Variants in NBEA observed in about 807,000 individuals in gnomAD.
The protein encoded by NBEA is lysosomal-trafficking regulator 2.
A neutral mutation model predicts 343.4 loss-of-function variants in NBEA; 44 were observed. The ratio of observed to expected loss-of-function variants is 0.13; its 90% confidence interval spans 0.10 to 0.16. The LOEUF (loss-of-function observed/expected upper bound fraction) is 0.16, where lower values mean the gene tolerates loss of function less well. NBEA is among the 10% of genes least tolerant of loss of function. The pLI is 1.00. For missense variants in NBEA, 2,555 were observed against 3,631.3 expected, an observed-to-expected ratio of 0.70 and a Z score of 7.62; for synonymous variants, 1,175 against 1,238.7, an observed-to-expected ratio of 0.95 and a Z score of 1.08.
At chr13:35,066,856 T>C (rs368807880) in intron 8 of NBEA, among the ~76,000 whole-genome samples, 2 of 152,150 alleles carry the variant, frequency 1.3e-5, no homozygotes, top group East Asian at 3.9e-4. Flanking sequence ...CTTTATTTCT[T>C]CTTTACTGCT....
At position 35,080,775 on chromosome 13, in the gene NBEA, T is replaced by G. The variant is rs560096416; in HGVS notation, c.1571+9923T>G. On this transcript the variant is annotated intron_variant, in intron 10 of 58. Transcript: ENST00000379939. ...AAGCAAAGGGTAAAAAGTTTAGCAC[T>G]AATTGGTTCCTGTGAAATCAATGTG... 3.9e-5 allele frequency among the ~76,000 whole-genome samples: 6 copies of G among 152,286 alleles called. No homozygotes were observed. The East Asian group carries it at 9.7e-4, about 25-fold the overall frequency.
At chr13:35,649,626 C>T in intron 51 of NBEA, 29 bp from the exon 52 acceptor site, 1 of 1,571,662 alleles carries the variant, frequency 6.4e-7, no homozygotes, top group Non-Finnish European at 8.8e-7. Flanking sequence ...TTTTGTCTTC[C>T]TCTGTTCTCT....
chr13:35,237,364 A>G (rs915384288), intron 34 of NBEA, among the ~76,000 whole-genome samples: 1 of 152,100 alleles, frequency 6.6e-6, no homozygotes, highest in South Asian at 2.1e-4. Context: ...CAAGGTCCAT[A>G]CTTGCTCTCC....
chr13:35,135,116 T>G lies in NBEA; in HGVS notation c.2337-7153T>G, dbSNP rs549279963. Among the ~76,000 whole-genome samples the G allele has an allele frequency of 1.1e-4, 17 of 152,158 alleles. No individual in the cohort carries two copies. The South Asian group carries it at 3.5e-3, about 32-fold the overall frequency. ...AACTACAGGAGCACAAAACATGCCCTGTTTTGCTTCACTAGTAATCACCAA... is the reference window on the plus strand; with the variant it reads ...AACTACAGGAGCACAAAACATGCCCGGTTTTGCTTCACTAGTAATCACCAA... On this transcript the variant is annotated intron_variant, in intron 17 of 58. Coordinates refer to ENST00000379939, the MANE Select transcript of NBEA (RefSeq NM_001385012.1).
intron 38 of NBEA, among the ~76,000 whole-genome samples, chr13:35,356,648 G>A (rs971251580): frequency 3.3e-5 from 5 of 152,064 alleles, no homozygotes; most frequent in Non-Finnish European, 5.9e-5. Context: ...TCATCCTACT[G>A]AACTTCTAAA....
In NBEA at chr13:35,048,605, G is replaced by A. The variant is rs1346460997; in HGVS notation, c.766G>A (p.Gly256Ser). The change falls in exon 5 of 59, where the codon GGC becomes AGC. Residue 256 changes from glycine (G) to serine (S), a missense_variant. Physicochemically the swap from Gly to Ser is moderately conservative, Grantham distance 56 (BLOSUM62 0). Coordinates refer to ENST00000379939, the MANE Select transcript of NBEA (RefSeq NM_001385012.1). ...PPIAKWPYQN[G>S]FTLNTWFRMD... Reference sequence around the variant, plus strand: ...TATTGCAAAGTGGCCTTATCAGAATGGCTTCACCTTAAACACTTGGTTTCG... The same window carrying A: ...TATTGCAAAGTGGCCTTATCAGAATAGCTTCACCTTAAACACTTGGTTTCG... The A allele has an allele frequency of 3.1e-6, 5 of 1,590,758 alleles. No homozygotes were observed. The African/African-American group carries it at 6.7e-5, about 21-fold the overall frequency.
chr13:35,156,882 T>C (rs1352249321), intron 20 of NBEA, among the ~76,000 whole-genome samples, 196 bp from the exon 21 acceptor site: 2 of 152,168 alleles, frequency 1.3e-5, no homozygotes, highest in East Asian at 3.9e-4. Context: ...TTTTGAATGA[T>C]AATTAGGATT....
chr13:35,041,357 G>A (rs1257937521), intron 2 of NBEA, among the ~76,000 whole-genome samples, 193 bp downstream of exon 2: 1 of 151,982 alleles, frequency 6.6e-6, no homozygotes, highest in Non-Finnish European at 1.5e-5. Context: ...ACTTACTATA[G>A]TAGACAAACA....
intron 7 of NBEA, 62 bp downstream of exon 7, chr13:35,056,191 T>G (rs2063252188): frequency 7.6e-7 from 1 of 1,319,776 alleles, no homozygotes; most frequent in Non-Finnish European, 1.0e-6. Context: ...ATCATTACAA[T>G]ATGAATTAAA....
intron 36 of NBEA, among the ~76,000 whole-genome samples, chr13:35,333,990 G>A (rs999400496): frequency 3.9e-5 from 6 of 151,906 alleles, no homozygotes; most frequent in Middle Eastern, 3.2e-3. Context: ...ACTGTTAACA[G>A]TACTGCAACA....
At chr13:35,344,719 C>T (rs1274326281) in intron 36 of NBEA, among the ~76,000 whole-genome samples, 1 of 149,664 alleles carries the variant, frequency 6.7e-6, no homozygotes, top group Non-Finnish European at 1.5e-5. Context: ...AGAAACAAAA[C>T]CCTAAATAGT....
chr13:35,465,860 A>G (rs887361339), intron 40 of NBEA, among the ~76,000 whole-genome samples: 3 of 152,138 alleles, frequency 2.0e-5, no homozygotes, highest in African/African-American at 7.2e-5. Context: ...TGTAACATAA[A>G]GAATTACCTG....
At chr13:35,020,030 T>C (rs1349668488) in intron 1 of NBEA, among the ~76,000 whole-genome samples, 1 of 152,146 alleles carries the variant, frequency 6.6e-6, no homozygotes, top group East Asian at 1.9e-4. Flanking sequence ...CTTGTTCTAG[T>C]TATATTTTTT....
intron 36 of NBEA, among the ~76,000 whole-genome samples, chr13:35,310,069 T>C: frequency 6.6e-6 from 1 of 152,128 alleles, no homozygotes; most frequent in East Asian, 1.9e-4. Context: ...GTATATTCTA[T>C]TATTTTTTTT....
intron 11 of NBEA, among the ~76,000 whole-genome samples, chr13:35,100,213 A>C (rs1307588437): frequency 2.0e-5 from 3 of 152,068 alleles, no homozygotes; most frequent in African/African-American, 7.2e-5. Context: ...AATATGCTAT[A>C]TTTTATATAT....
intron 49 of NBEA, among the ~76,000 whole-genome samples, chr13:35,642,704 C>T (rs753896848): frequency 3.4e-4 from 52 of 152,140 alleles, no homozygotes; most frequent in Admixed American, 1.8e-3. Context: ...TGTGGTATTG[C>T]CTGATCTGCG....
intron 1 of NBEA, among the ~76,000 whole-genome samples, chr13:34,966,662 G>C (rs2059830313): frequency 6.8e-6 from 1 of 147,526 alleles, no homozygotes; most frequent in Non-Finnish European, 1.5e-5. Flanking sequence ...GTGTATGTGT[G>C]TGTACCTGTA....
At chr13:35,131,740 G>T (rs2067441255) in intron 17 of NBEA, among the ~76,000 whole-genome samples, 1 of 152,138 alleles carries the variant, frequency 6.6e-6, no homozygotes, top group Non-Finnish European at 1.5e-5. Flanking sequence ...AAGTGCATAT[G>T]CAGCATTCTC....
At chr13:35,041,796 A>G (rs1023917050) in intron 2 of NBEA, among the ~76,000 whole-genome samples, 4 of 152,004 alleles carry the variant, frequency 2.6e-5, no homozygotes, top group Admixed American at 2.6e-4. Context: ...ACCGTTTACT[A>G]CCTTGCATGC....
Sources: gnomAD v4.1 joint callset for allele counts (sites outside exome capture counted in the v4.1 genomes callset) on GRCh38, gnomAD v4.1.1 for gene constraint, MANE v1.5 for transcripts, NCBI Gene and HGNC (gene_info 2026-07-23, HGNC 2026-07-21) for gene names.